Variants in MALRD1 observed in about 807,000 individuals in gnomAD.
The protein encoded by MALRD1 is MAM and LDL receptor class A domain containing 1, also known as MAM and LDL-receptor class A domain-containing protein 1.
MALRD1 carries 247 observed loss-of-function variants against 242.1 expected under a neutral mutation model. The observed-to-expected ratio is 1.02, with a 90% CI of 0.92 to 1.13. MALRD1 has a LOEUF of 1.13. Ranked by LOEUF, MALRD1 falls within the 50% of genes most tolerant of loss-of-function variation. MALRD1 has a pLI of 0.00. For synonymous variants in MALRD1, 995 were observed against 866.6 expected, an observed-to-expected ratio of 1.15 and a Z score of -2.60; for missense variants, 2,989 against 2,533.1, an observed-to-expected ratio of 1.18 and a Z score of -3.86.
chr10:19,539,949 C>T (rs560456391), intron 32 of MALRD1, among the ~76,000 whole-genome samples: 2 of 149,164 alleles, frequency 1.3e-5, no homozygotes, highest in East Asian at 2.0e-4. Context: ...TGCCATGTTG[C>T]CCAGGCTGGT....
intron 38 of MALRD1, among the ~76,000 whole-genome samples, chr10:19,717,602 C>T (rs981370716): frequency 2.6e-5 from 4 of 152,058 alleles, no homozygotes; most frequent in Non-Finnish European, 4.4e-5. Flanking sequence ...ATTATTAATG[C>T]GAAAATTAGT....
rs189972790 is a variant in MALRD1, at chr10:19,657,332, A to T, written c.6138-34950A>T. ...TAACTGTGTACATTCTTCCATACTC[A>T]ATCTTCAGGTCTTTGCTTTCTGTTT... On this transcript the variant is annotated intron_variant, in intron 36 of 39. Transcript: ENST00000454679. Among the ~76,000 whole-genome samples, 12 of 152,146 alleles carry T rather than the reference A, an allele frequency of 7.9e-5. 1 individual carries two copies. The highest frequency in any genetic ancestry group is 7.2e-4 in the Admixed American group (11 of 15,266).
In MALRD1 at chr10:19,734,292, T is replaced by A; in HGVS notation, c.*55T>A. On this transcript the variant is annotated 3_prime_UTR_variant, in exon 40 of 40. Coordinates refer to ENST00000454679, the MANE Select transcript of MALRD1 (RefSeq NM_001142308.3). ...GTGTAGTTTCTAGAAAATTGAAGTC[T>A]CCACAATCTGATAGAAACTCATCTT... The A allele has an allele frequency of 7.2e-7, 1 of 1,383,210 alleles. No homozygotes were observed. Among genetic ancestry groups the A allele is most frequent in the South Asian group, 1.3e-5 (1 of 79,258 alleles). 85.7% of individuals were successfully genotyped at this position (1,383,210 alleles called of 1,614,324 possible).
intron 27 of MALRD1, among the ~76,000 whole-genome samples, chr10:19,388,276 G>T (rs1398887230): frequency 1.3e-5 from 2 of 152,110 alleles, no homozygotes; most frequent in South Asian, 2.1e-4. Flanking sequence ...TCCAAATAAG[G>T]TCACATTCAT....
At chr10:19,270,631 C>T (rs1564517728) in intron 19 of MALRD1, among the ~76,000 whole-genome samples, 1 of 151,800 alleles carries the variant, frequency 6.6e-6, no homozygotes, top group African/African-American at 2.4e-5. Flanking sequence ...GAGAGGAGAG[C>T]CAGAAGTGAC....
At chr10:19,336,932 G>A (rs1180245714) in intron 24 of MALRD1, among the ~76,000 whole-genome samples, 1 of 151,906 alleles carries the variant, frequency 6.6e-6, no homozygotes, top group African/African-American at 2.4e-5. Flanking sequence ...TTGTTATATG[G>A]CAAGCAATTT....
At chr10:19,175,463 A>AATATATATATATATAT (rs376874358) in intron 14 of MALRD1, 135 bp downstream of exon 14, 46 of 202,826 alleles carry the variant, frequency 2.3e-4, no homozygotes, top group African/African-American at 5.8e-4. Context: ...TGAAACCTAA[A>AATATATATATATATAT]ATATATATAT....
chr10:19,323,783 G>A (rs373814018), intron 21 of MALRD1, among the ~76,000 whole-genome samples, 166 bp from the exon 22 acceptor site: 120 of 152,002 alleles, frequency 7.9e-4, no homozygotes, highest in African/African-American at 2.6e-3. Context: ...TTATTTTTTC[G>A]TATTTTTAGT....
rs550195285 is a variant in MALRD1 at position 19,197,238 on chromosome 10, C to T, written c.1952-6490C>T. 7.9e-5 allele frequency among the ~76,000 whole-genome samples: 12 copies of T among 152,106 alleles called. No individual in the cohort carries two copies. The South Asian group carries it at 1.0e-3, about 13-fold the overall frequency. ...GTCCCCCCAGGTCCCTCCCTCAACACGTGAGAATTACAATTCAAGATGAGA... is the reference window on the plus strand; with the variant it reads ...GTCCCCCCAGGTCCCTCCCTCAACATGTGAGAATTACAATTCAAGATGAGA... On this transcript the variant is annotated intron_variant, in intron 14 of 39. Transcript: ENST00000454679.
chr10:19,078,113 AT>A (rs961075209), intron 2 of MALRD1, among the ~76,000 whole-genome samples: 31 of 151,220 alleles, frequency 2.0e-4, no homozygotes, highest in East Asian at 3.9e-4. Context: ...TAGGATTTAA[AT>A]TTTTTTTATT....
At chr10:19,053,781 G>A (rs573950496) in intron 1 of MALRD1, among the ~76,000 whole-genome samples, 8 of 139,512 alleles carry the variant, frequency 5.7e-5, no homozygotes, top group Non-Finnish European at 1.2e-4. Flanking sequence ...TCAGACCATT[G>A]CCTGACTTCA....
intron 29 of MALRD1, among the ~76,000 whole-genome samples, chr10:19,467,392 C>CAAAAAA (rs71387079): frequency 0.04 from 2,066 of 51,820 alleles, 69 homozygotes; most frequent in Middle Eastern, 0.06. Context: ...GACTCCGTCT[C>CAAAAAA]AAAAAAAAAA....
intron 8 of MALRD1, among the ~76,000 whole-genome samples, chr10:19,133,328 G>A (rs2131404414): frequency 6.6e-6 from 1 of 152,202 alleles, no homozygotes; most frequent in African/African-American, 2.4e-5. Flanking sequence ...ACCAAATTAA[G>A]AATATAATTT....
chr10:19,283,246 T>G, intron 21 of MALRD1, 65 bp downstream of exon 21: 1 of 1,304,420 alleles, frequency 7.7e-7, no homozygotes, highest in Non-Finnish European at 1.0e-6. Flanking sequence ...CCCAAATTTC[T>G]GCCCCCACCA....
intron 36 of MALRD1, among the ~76,000 whole-genome samples, chr10:19,650,820 C>A (rs750789895): frequency 1.3e-5 from 2 of 152,188 alleles, no homozygotes; most frequent in Non-Finnish European, 2.9e-5. Context: ...CTCCGAGCTG[C>A]CTCCTTTGTC....
chr10:19,472,106 C>T (rs1042003717), intron 29 of MALRD1, among the ~76,000 whole-genome samples: 1 of 151,958 alleles, frequency 6.6e-6, no homozygotes, highest in African/African-American at 2.4e-5. Flanking sequence ...TGACAAGTTT[C>T]ATCATAAGAT....
intron 28 of MALRD1, among the ~76,000 whole-genome samples, chr10:19,415,923 T>C (rs1335819820): frequency 6.6e-6 from 1 of 152,216 alleles, no homozygotes; most frequent in Non-Finnish European, 1.5e-5. Flanking sequence ...TTGATAAATT[T>C]GGTAAAACTC....
chr10:19,534,823 G>A (rs1834582770), intron 32 of MALRD1, among the ~76,000 whole-genome samples: 1 of 151,940 alleles, frequency 6.6e-6, no homozygotes, highest in Non-Finnish European at 1.5e-5. Context: ...GAAATTTATT[G>A]TAATGAAATA....
At chr10:19,334,119 GTTTTTTTTTTT>G (rs56931838) in intron 24 of MALRD1, among the ~76,000 whole-genome samples, 1 of 66,790 alleles carries the variant, frequency 1.5e-5, no homozygotes, top group African/African-American at 6.1e-5. Flanking sequence ...CTGTTGGTAG[GTTTTTTTTTTT>G]TTTTTTTTTT....
Sources: allele counts gnomAD v4.1 joint callset (sites outside exome capture counted in the v4.1 genomes callset), GRCh38; gene constraint gnomAD v4.1.1; transcripts MANE v1.5; gene names NCBI Gene and HGNC (gene_info 2026-07-23, HGNC 2026-07-21).